The following ACACB variants were observed in gnomAD, a reference collection of about 807,000 sequenced individuals.
ACACB encodes the protein acetyl-CoA carboxylase 2.
ACACB carries 209 observed loss-of-function variants against 278.8 expected under a neutral mutation model. The observed-to-expected ratio is 0.75, with a 90% CI of 0.67 to 0.84. The LOEUF is 0.84. Ranked by LOEUF, ACACB falls within the 40% of genes least tolerant of loss-of-function variation. ACACB has a pLI of 0.00. For synonymous variants in ACACB, 1,174 were observed against 1,285.6 expected, an observed-to-expected ratio of 0.91 and a Z score of 1.86; for missense variants, 2,850 against 3,269.0, an observed-to-expected ratio of 0.87 and a Z score of 3.13.
chr12:109,252,138 A>G lies in ACACB; in HGVS notation c.5883A>G (p.Gly1961=). 6.2e-7 allele frequency: 1 copy of G among 1,612,150 alleles called. No individual in the cohort carries two copies. Among genetic ancestry groups the G allele is most frequent in the Non-Finnish European group, 8.5e-7 (1 of 1,179,232 alleles). ...AGAATTCCCACATCATCCTCACAGG[A>G]GCAAGTGCTCTCAACAAGGTGACCA... ...QVENSHIILT[G]ASALNKVLGR... Residue 1961 remains glycine (G), a synonymous_variant, in exon 42 of 53, where the codon GGA becomes GGG. Transcript: ENST00000338432.
At chr12:109,238,607 C>T (rs2046707818) in intron 34 of ACACB, among the ~76,000 whole-genome samples, 1 of 148,176 alleles carries the variant, frequency 6.7e-6, no homozygotes, top group South Asian at 2.1e-4. Flanking sequence ...TCTTGTTGCC[C>T]AGGCTGGAGT....
intron 1 of ACACB, among the ~76,000 whole-genome samples, chr12:109,124,793 C>T (rs1424337785): frequency 6.6e-6 from 1 of 152,316 alleles, no homozygotes; most frequent in East Asian, 1.9e-4. Context: ...TGGCTCACTG[C>T]AACCTCAACT....
chr12:109,232,729 C>T lies in ACACB; in HGVS notation c.4062C>T (p.Phe1354=). 6.2e-7 allele frequency: 1 copy of T among 1,614,192 alleles called. No individual in the cohort carries two copies. Among genetic ancestry groups the T allele is most frequent in the Non-Finnish European group, 8.5e-7 (1 of 1,180,034 alleles). Residue 1354 remains phenylalanine, a synonymous_variant, in exon 29 of 53, where the codon TTC becomes TTT. Transcript: ENST00000338432. The stretch of plus-strand genomic sequence containing the variant: ...TGCTGAGGCACAGCACAGAGCTCTT[C>T]ATGGACAGCGGCTTCTCCCCACTGT... The part of the protein sequence containing the change: ...PDLLRHSTEL[F]MDSGFSPLCQ...
intron 13 of ACACB, among the ~76,000 whole-genome samples, chr12:109,189,711 T>C (rs1177747144): frequency 6.6e-6 from 1 of 152,218 alleles, no homozygotes; most frequent in Non-Finnish European, 1.5e-5. Context: ...GGCCTATGGA[T>C]ACCCTTGTAT....
intron 2 of ACACB, among the ~76,000 whole-genome samples, chr12:109,152,158 T>C (rs2043391437): frequency 6.6e-6 from 1 of 152,042 alleles, no homozygotes; most frequent in South Asian, 2.1e-4. Context: ...AGTGTTGGGG[T>C]TTTTGCAATA....
Position 109,212,862 on chromosome 12 carries a change from A to G in ACACB, c.3276A>G (p.Ala1092=). 1.2e-6 allele frequency: 2 copies of G among 1,614,106 alleles called. No homozygotes were observed. Among genetic ancestry groups the G allele is most frequent in the Non-Finnish European group, 1.7e-6 (2 of 1,179,992 alleles). ...TAGCCACCATCCTGGACTGCCATGC[A>G]GCCACCCTGCAGCGGAAGGCTGATC... The part of the protein sequence containing the change: ...QQIATILDCH[A]ATLQRKADRE... Residue 1092 remains alanine, a synonymous_variant, in exon 22 of 53, where the codon GCA becomes GCG. Coordinates refer to ENST00000338432, the MANE Select transcript of ACACB (RefSeq NM_001093.4).
At chr12:109,118,815 A>G (rs1422238855) in intron 1 of ACACB, among the ~76,000 whole-genome samples, 1 of 152,246 alleles carries the variant, frequency 6.6e-6, no homozygotes, top group Non-Finnish European at 1.5e-5. Context: ...AAACAGAGTT[A>G]GAAATATTGC....
chr12:109,116,221 T>C (rs140298025), upstream of ACACB, among the ~76,000 whole-genome samples: 17 of 152,326 alleles, frequency 1.1e-4, no homozygotes, highest in East Asian at 2.1e-3. Context: ...GGTGACCTGA[T>C]AGCGATCACC....
Position 109,119,226 on chromosome 12 carries a change from C to T in ACACB, c.-10+2522C>T, listed in dbSNP as rs538614127. Among the ~76,000 whole-genome samples, 3 of 152,254 alleles carry T rather than the reference C, an allele frequency of 2.0e-5. No homozygotes were observed. The East Asian group carries it at 5.8e-4, about 29-fold the overall frequency. On this transcript the variant is annotated intron_variant, in intron 1 of 52. Transcript: ENST00000338432. ...CCCAAGTCTGCTGTACTCCAGAAGT[C>T]CTGCTCTCTGGGCTCATACCTTAGC... is the stretch of plus-strand genomic sequence containing the variant.
chr12:109,154,285 A>C (rs2043456589), intron 2 of ACACB, among the ~76,000 whole-genome samples: 1 of 152,214 alleles, frequency 6.6e-6, no homozygotes, highest in Non-Finnish European at 1.5e-5. Flanking sequence ...CAGGGAGTGG[A>C]GGTGAAAAGA....
chr12:109,146,099 T>C (rs2043237875), intron 2 of ACACB, among the ~76,000 whole-genome samples: 1 of 152,262 alleles, frequency 6.6e-6, no homozygotes, highest in African/African-American at 2.4e-5. Flanking sequence ...GTCCTGTTTC[T>C]GCAAAATGGA....
intron 1 of ACACB, among the ~76,000 whole-genome samples, chr12:109,131,903 C>A (rs2042838228): frequency 6.6e-6 from 1 of 152,154 alleles, no homozygotes; most frequent in Admixed American, 6.5e-5. Context: ...CCACGGCCCC[C>A]CCACGCCACC....
chr12:109,125,922 G>A (rs908552125), intron 1 of ACACB, among the ~76,000 whole-genome samples: 11 of 152,138 alleles, frequency 7.2e-5, no homozygotes, highest in South Asian at 2.1e-4. Flanking sequence ...AGTTCATGGC[G>A]ATTCTCCTGG....
At chr12:109,173,064 G>T (rs1291911574) in intron 6 of ACACB, among the ~76,000 whole-genome samples, 2 of 152,076 alleles carry the variant, frequency 1.3e-5, no homozygotes, top group African/African-American at 4.8e-5. Context: ...AACTAACACA[G>T]GAACAGAAAA....
At chr12:109,160,877 G>A (rs1465297724) in intron 2 of ACACB, among the ~76,000 whole-genome samples, 1 of 152,304 alleles carries the variant, frequency 6.6e-6, no homozygotes, top group East Asian at 1.9e-4. Context: ...CAACATGGTG[G>A]CCAAGAATGG....
intron 41 of ACACB, 109 bp downstream of exon 41, chr12:109,250,213 A>G: frequency 1.6e-6 from 2 of 1,214,776 alleles, no homozygotes. Context: ...CCCGTCACAT[A>G]CCTCCTACAG....
chr12:109,258,238 G>A, intron 45 of ACACB, 30 bp from the exon 46 acceptor site: 3 of 1,588,624 alleles, frequency 1.9e-6, no homozygotes, highest in Non-Finnish European at 2.6e-6. Flanking sequence ...GTGCTGCCCA[G>A]GGCCTGGCTC....
chr12:109,223,375 C>T (rs769080526), intron 26 of ACACB, among the ~76,000 whole-genome samples: 3 of 152,106 alleles, frequency 2.0e-5, no homozygotes, highest in Admixed American at 6.6e-5. Flanking sequence ...AGGAGCCCAG[C>T]GCGCTGCAGG....
chr12:109,266,553 A>C lies in ACACB; in HGVS notation c.*191A>C. The C allele has an allele frequency of 3.7e-6, 2 of 542,222 alleles. No homozygotes were observed. Among genetic ancestry groups the C allele is most frequent in the Non-Finnish European group, 2.9e-6 (1 of 343,672 alleles). The allele number at this position is 542,222 out of a possible 1,614,324, so 33.6% of individuals were successfully genotyped here. On this transcript the variant is annotated 3_prime_UTR_variant, in exon 53 of 53. Transcript: ENST00000338432. The stretch of plus-strand genomic sequence containing the variant: ...CCAGGAGTGCCTCTTCCAAACAAAA[A>C]CAGCCTCCTCTCCATAGCTGGGAAG...
Sources: allele counts gnomAD v4.1 joint callset (sites outside exome capture counted in the v4.1 genomes callset), GRCh38; gene constraint gnomAD v4.1.1; transcripts MANE v1.5; gene names NCBI Gene and HGNC (gene_info 2026-07-23, HGNC 2026-07-21).